Variants in DGKA observed in about 807,000 individuals in gnomAD.
The protein encoded by DGKA is 80 kDa diacylglycerol kinase.
Under a neutral mutation model 105.0 loss-of-function variants are expected in DGKA, and 35 were observed. The ratio of observed to expected loss-of-function variants is 0.33; its 90% confidence interval spans 0.25 to 0.44. The LOEUF is 0.44. Ranked by LOEUF, DGKA falls within the 20% of genes least tolerant of loss-of-function variation. The pLI, the probability that DGKA is intolerant of heterozygous loss-of-function variation, is 1.00. For missense variants in DGKA, 665 were observed against 915.0 expected, an observed-to-expected ratio of 0.73 and a Z score of 3.53; for synonymous variants, 296 against 332.0, an observed-to-expected ratio of 0.89 and a Z score of 1.18.
At chr12:55,942,133 G>C in intron 16 of DGKA, 41 bp from the exon 17 acceptor site, 1 of 1,613,974 alleles carries the variant, frequency 6.2e-7, no homozygotes, top group Non-Finnish European at 8.5e-7. Context: ...TAGTCTTGCA[G>C]AGCTAACTCA....
intron 9 of DGKA, 96 bp downstream of exon 9, chr12:55,939,625 C>T (rs765677172): frequency 1.4e-5 from 17 of 1,223,536 alleles, no homozygotes; most frequent in Admixed American, 9.6e-5. Context: ...AGGTTTGAAT[C>T]CTGGGCTCTG....
chr12:55,935,422 C>T (rs1446908515), intron 1 of DGKA: 1 of 152,176 alleles, frequency 6.6e-6, no homozygotes, highest in Non-Finnish European at 1.5e-5. Flanking sequence ...ATGTTATTAT[C>T]ATTACTGAAT....
rs765852997 is a variant in DGKA, at chr12:55,937,594, C to T, written c.274+51C>T. On this transcript the variant is annotated intron_variant, in intron 4 of 23. Coordinates refer to ENST00000331886, the MANE Select transcript of DGKA (RefSeq NM_001345.5). ...CTAAGCCTCTGGCAGAAAAATCAAA[C>T]TAGTATGGATTTGGGGTTGAGAATT... 4.4e-6 allele frequency: 7 copies of T among 1,593,366 alleles called. No individual in the cohort carries two copies. The South Asian group carries it at 7.8e-5, about 18-fold the overall frequency.
chr12:55,939,473 A>G lies in DGKA; in HGVS notation c.653A>G (p.Tyr218Cys). The change falls in exon 9 of 24, where the codon TAC (tyrosine) becomes TGC (cysteine). Residue 218 changes from tyrosine to cysteine, a missense_variant. Tyr to Cys is a radical substitution (Grantham distance 194). Around this residue, in one of 3 missense-constraint regions of DGKA, gnomAD observed 504 missense variants for 681.2 expected, o/e 0.74. Transcript: ENST00000331886. ...WRPKRFPRPV[Y>C]CNLCESSIGL... Reference sequence around the variant, plus strand: ...CCCAAGAGGTTCCCCAGACCAGTCTACTGCAATCTGTGCGAGTCAAGCATT... The same window carrying G: ...CCCAAGAGGTTCCCCAGACCAGTCTGCTGCAATCTGTGCGAGTCAAGCATT... The G allele has an allele frequency of 1.2e-6, 2 of 1,614,250 alleles. No individual in the cohort carries two copies. Among genetic ancestry groups the G allele is most frequent in the South Asian group, 1.1e-5 (1 of 91,088 alleles).
chr12:55,928,839 G>A (rs1883250614), upstream of DGKA, among the ~76,000 whole-genome samples: 1 of 151,820 alleles, frequency 6.6e-6, no homozygotes, highest in South Asian at 2.1e-4. Flanking sequence ...AATTCAGAAT[G>A]TCTGGGGGTG....
At chr12:55,927,683 C>T, upstream of DGKA, 3 of 1,537,380 alleles carry the variant, frequency 2.0e-6, no homozygotes, top group South Asian at 1.2e-5. Context: ...CAGAGACCCG[C>T]GGGAGGGGCG....
At chr12:55,941,217 GCTTT>G in intron 13 of DGKA, 31 bp from the exon 14 acceptor site, 1 of 1,591,364 alleles carries the variant, frequency 6.3e-7, no homozygotes, top group Middle Eastern at 1.7e-4. Flanking sequence ...ACAAAATCCT[GCTTT>G]CTTTGTCCTT....
Position 55,932,896 on chromosome 12 carries a change from A to C in DGKA, c.-82+1552A>C, listed in dbSNP as rs1483903126. ...ATACAGTCTATGATGTGATTAAGGA[A>C]TTCAGAAGTCCAGGTAATCAGGCCT... On this transcript the variant is annotated intron_variant, in intron 1 of 23. Coordinates refer to ENST00000331886, the MANE Select transcript of DGKA (RefSeq NM_001345.5). This position sits in a 1 kb window ranked among gnomAD's most constrained non-coding sequence, Gnocchi z 4.3. The C allele has an allele frequency of 6.8e-6, 2 of 292,276 alleles. No individual in the cohort carries two copies. Among genetic ancestry groups the C allele is most frequent in the Non-Finnish European group, 1.3e-5 (2 of 154,868 alleles). 18.1% of individuals were successfully genotyped at this position (292,276 alleles called of 1,614,324 possible). A position where few individuals can be genotyped will look rare whatever the true frequency, so the allele number is the denominator to read the frequency against.
In DGKA at chr12:55,940,492, C is replaced by T. The variant is rs1342116144; in HGVS notation, c.918+59C>T. ...TTACCCCGCAGAGCTGCCTTCTCCA[C>T]GGGCCTCCGGCCACACCTCCTTTAC... is the stretch of plus-strand genomic sequence containing the variant. On this transcript the variant is annotated intron_variant, in intron 11 of 23. Transcript: ENST00000331886. The surrounding 1 kb of genome is among the most constrained non-coding windows in gnomAD (Gnocchi z 4.3). The T allele has an allele frequency of 3.1e-6, 5 of 1,599,428 alleles. No homozygotes were observed. Among genetic ancestry groups the T allele is most frequent in the African/African-American group, 2.7e-5 (2 of 74,752 alleles).
chr12:55,951,894 T>C lies in DGKA; in HGVS notation c.1587+111T>C. ...TTAAGTGACCTGTGACACAGGGAAA[T>C]TGGGAGTGCAGTACAGTGCTGAGTT... On this transcript the variant is annotated intron_variant, in intron 18 of 23. Transcript: ENST00000331886. 6 of 1,512,602 alleles carry C rather than the reference T, an allele frequency of 4.0e-6. No individual in the cohort carries two copies. In the South Asian group the frequency reaches 7.1e-5, roughly 18 times the overall value. 93.7% of individuals were successfully genotyped at this position (1,512,602 alleles called of 1,614,324 possible). A position where few individuals can be genotyped will look rare whatever the true frequency, so the allele number is the denominator to read the frequency against.
chr12:55,952,963 G>A lies in DGKA; in HGVS notation c.1942+31G>A, dbSNP rs1325285308. On this transcript the variant is annotated intron_variant, in intron 21 of 23. Transcript: ENST00000331886. This position sits in a 1 kb window ranked among gnomAD's most constrained non-coding sequence, Gnocchi z 5.1. ...AGGAGCAGCCTTGGGAGCTGAGTGG[G>A]CAGGACGAAGGGAAAGTGTGACTCC... 6.2e-7 allele frequency: 1 copy of A among 1,614,034 alleles called. No individual in the cohort carries two copies. The highest frequency in any genetic ancestry group is 1.1e-5 in the South Asian group (1 of 91,082).
chr12:55,938,675 A>G (rs2136317121), intron 6 of DGKA, 115 bp downstream of exon 6: 1 of 1,603,040 alleles, frequency 6.2e-7, no homozygotes, highest in Non-Finnish European at 8.5e-7. Flanking sequence ...GGAGAGGTTG[A>G]GTCCTCTAGG....
Position 55,953,997 on chromosome 12 carries a change from T to C in DGKA, c.*229T>C, listed in dbSNP as rs1029048922. ...AAGTGCCTCATCTGAATAAAATGACTTGTGTTTCCCCTTTGGGATCTGCTA... is the reference window on the plus strand; with the variant it reads ...AAGTGCCTCATCTGAATAAAATGACCTGTGTTTCCCCTTTGGGATCTGCTA... On this transcript the variant is annotated 3_prime_UTR_variant, in exon 24 of 24. Transcript: ENST00000331886. The C allele has an allele frequency of 1.6e-5, 10 of 642,792 alleles. No individual in the cohort carries two copies. In the South Asian group the frequency reaches 1.9e-4, roughly 12 times the overall value. The allele number at this position is 642,792 out of a possible 1,614,324, so 39.8% of individuals were successfully genotyped here. A position where few individuals can be genotyped will look rare whatever the true frequency, so the allele number is the denominator to read the frequency against.
At chr12:55,929,683 A>C (rs1452206956), upstream of DGKA, 1 of 152,260 alleles carries the variant, frequency 6.6e-6, no homozygotes, top group Non-Finnish European at 1.5e-5. Flanking sequence ...GGTTGATTAA[A>C]GAAATGAGCA....
chr12:55,930,151 C>G (rs1036158180), upstream of DGKA, among the ~76,000 whole-genome samples: 7 of 152,110 alleles, frequency 4.6e-5, no homozygotes, highest in African/African-American at 1.7e-4. Flanking sequence ...AGGCTTTACA[C>G]ACATTGCACC....
rs753672872 is a variant in DGKA, at chr12:55,942,030, G to T, written c.1283G>T (p.Arg428Leu). The T allele has an allele frequency of 1.2e-6, 2 of 1,614,146 alleles. No homozygotes were observed. Among genetic ancestry groups the T allele is most frequent in the South Asian group, 1.1e-5 (1 of 91,068 alleles). The change falls in exon 16 of 24, where the codon CGG (arginine) becomes CTG (leucine). Residue 428 changes from arginine (R) to leucine (L), a missense_variant. Arg to Leu is a moderately radical substitution (Grantham distance 102). Around this residue, in one of 3 missense-constraint regions of DGKA, gnomAD observed 504 missense variants for 681.2 expected, o/e 0.74. Coordinates refer to ENST00000331886, the MANE Select transcript of DGKA (RefSeq NM_001345.5). ...TTATTCAAGGATGTTCCTGATAGCC[G>T]GATTTTGGTGTGTGGTGGAGACGGC... ...LRLFKDVPDS[R>L]ILVCGGDGTV...
rs1888553854 is a variant in DGKA at position 55,953,393 on chromosome 12, A to G, written c.2107A>G (p.Met703Val). 9.3e-6 allele frequency: 15 copies of G among 1,614,108 alleles called. No homozygotes were observed. The highest frequency in any genetic ancestry group is 1.3e-5 in the Non-Finnish European group (15 of 1,180,000). The change falls in exon 23 of 24, where the codon ATG (methionine) becomes GTG (valine). Residue 703 changes from methionine (M) to valine (V), a missense_variant. Around this residue, in one of 3 missense-constraint regions of DGKA, gnomAD observed 158 missense variants for 213.4 expected, o/e 0.74. Transcript: ENST00000331886. Reference sequence around the variant, plus strand: ...CATGCAAATTGACGGAGAACCCTGGATGCAGACGCCCTGTACAGTGAGTAT... The same window carrying G: ...CATGCAAATTGACGGAGAACCCTGGGTGCAGACGCCCTGTACAGTGAGTAT... Reference protein sequence around the residue: ...LPMQIDGEPWMQTPCTIKITH... With the variant: ...LPMQIDGEPWVQTPCTIKITH...
At position 55,939,029 on chromosome 12, in the gene DGKA, T is replaced by C. The variant is rs141245847; in HGVS notation, c.474+40T>C. On this transcript the variant is annotated intron_variant, in intron 7 of 23. Transcript: ENST00000331886. ...CCTTCATGTCCCTTCTTGTACCTTCTTCCCTGGTGAGTCCTGCATCTGCCT... is the reference window on the plus strand; with the variant it reads ...CCTTCATGTCCCTTCTTGTACCTTCCTCCCTGGTGAGTCCTGCATCTGCCT... 4.3e-4 allele frequency: 695 copies of C among 1,613,500 alleles called. 1 individual carries two copies. In the African/African-American group the frequency reaches 8.3e-3, roughly 19 times the overall value.
chr12:55,931,582 C>G (rs572467716), intron 1 of DGKA: 3 of 152,592 alleles, frequency 2.0e-5, no homozygotes, highest in African/African-American at 4.8e-5. Context: ...TCTGGGCTTG[C>G]CCCCGTGGGA....
Sources: gnomAD v4.1 joint callset for allele counts (sites outside exome capture counted in the v4.1 genomes callset) on GRCh38, gnomAD v4.1.1 for gene constraint, gnomAD v4.1.1 regional missense constraint, Gnocchi (gnomAD v3.1) non-coding constraint, MANE v1.5 for transcripts, NCBI Gene and HGNC (gene_info 2026-07-23, HGNC 2026-07-21) for gene names.